DCC: variants seen among roughly 807,000 people sequenced by gnomAD.
DCC encodes the protein DCC netrin 1 receptor.
A neutral mutation model predicts 172.5 loss-of-function variants in DCC; 58 were observed. The observed-to-expected ratio is 0.34, with a 90% confidence interval of 0.27 to 0.42. The LOEUF (loss-of-function observed/expected upper bound fraction) is 0.42. Among genes scored for constraint, DCC ranks in the 10% least tolerant of loss-of-function variants. The pLI, the probability that DCC is intolerant of heterozygous loss-of-function variation, is 1.00. For synonymous variants in DCC, 709 were observed against 644.5 expected (o/e 1.10, Z -1.52); for missense variants, 1,740 against 1,791.0 (o/e 0.97, Z 0.51).
intron 1 of DCC, among the ~76,000 whole-genome samples, chr18:52,687,150 T>C (rs2035850568): frequency 6.6e-6 from 1 of 152,138 alleles, no homozygotes. Context: ...ATTCCAAAAA[T>C]TGAGTGTAGC....
intron 5 of DCC, among the ~76,000 whole-genome samples, chr18:53,016,230 A>G (rs550004962): frequency 5.3e-5 from 8 of 152,244 alleles, no homozygotes; most frequent in African/African-American, 1.9e-4. Flanking sequence ...CAGAACTTAA[A>G]AATTTCTAGG....
chr18:53,404,162 T>C (rs1027080723), intron 19 of DCC, among the ~76,000 whole-genome samples: 8 of 152,106 alleles, frequency 5.3e-5, no homozygotes, highest in Admixed American at 1.3e-4. Flanking sequence ...TATTTTGTTA[T>C]AATCAATTAT....
chr18:52,956,077 A>G (rs2040737278), intron 5 of DCC, among the ~76,000 whole-genome samples: 1 of 151,992 alleles, frequency 6.6e-6, no homozygotes, highest in African/African-American at 2.4e-5. Flanking sequence ...AACGAAGTCC[A>G]ACTTATCAAT....
chr18:52,897,689 A>ATG (rs2039750809), intron 2 of DCC, among the ~76,000 whole-genome samples: 1 of 148,656 alleles, frequency 6.7e-6, no homozygotes, highest in Admixed American at 6.8e-5. Flanking sequence ...TCATTTGGTC[A>ATG]TGTGATTGCT....
intron 15 of DCC, among the ~76,000 whole-genome samples, chr18:53,372,670 A>C (rs908195065): frequency 6.6e-6 from 1 of 152,146 alleles, no homozygotes; most frequent in Non-Finnish European, 1.5e-5. Context: ...TGCAAATTAC[A>C]GAAGACAAGC....
At chr18:52,578,257 TG>T (rs1310304771) in intron 1 of DCC, among the ~76,000 whole-genome samples, 2 of 152,236 alleles carry the variant, frequency 1.3e-5, no homozygotes, top group Non-Finnish European at 2.9e-5. Context: ...AGAGCTGTTA[TG>T]GCAGAAATAC....
intron 2 of DCC, among the ~76,000 whole-genome samples, chr18:52,869,063 G>A (rs2039274967): frequency 1.3e-5 from 2 of 152,260 alleles, no homozygotes; most frequent in African/African-American, 2.4e-5. Flanking sequence ...CCAGGTCTGG[G>A]ATCCCCAAAG....
At chr18:52,398,975 T>TAAAC (rs963070630) in intron 1 of DCC, among the ~76,000 whole-genome samples, 1 of 151,856 alleles carries the variant, frequency 6.6e-6, no homozygotes, top group Non-Finnish European at 1.5e-5. Context: ...AATAAATAAA[T>TAAAC]AAACAAATAA....
chr18:52,851,568 A>C (rs2038976010), intron 2 of DCC, among the ~76,000 whole-genome samples: 1 of 152,052 alleles, frequency 6.6e-6, no homozygotes, highest in African/African-American at 2.4e-5. Flanking sequence ...GGGTTATTCC[A>C]TTTATCATTT....
intron 15 of DCC, among the ~76,000 whole-genome samples, chr18:53,367,581 C>G (rs1421560568): frequency 6.6e-6 from 1 of 152,038 alleles, no homozygotes; most frequent in Non-Finnish European, 1.5e-5. Context: ...TCATTAAACA[C>G]ACTTGTAATG....
chr18:52,649,379 A>C (rs1278226455), intron 1 of DCC, among the ~76,000 whole-genome samples: 1 of 151,934 alleles, frequency 6.6e-6, no homozygotes, highest in Non-Finnish European at 1.5e-5. Flanking sequence ...TATCAAAAAA[A>C]AAAAAAAAAA....
intron 2 of DCC, among the ~76,000 whole-genome samples, chr18:52,894,609 C>T (rs1296311199): frequency 1.3e-5 from 2 of 151,768 alleles, no homozygotes; most frequent in South Asian, 2.1e-4. Flanking sequence ...GTCCTAGTAT[C>T]TATAATTGGC....
chr18:53,503,028 G>A (rs920983872), intron 27 of DCC, among the ~76,000 whole-genome samples: 1 of 151,928 alleles, frequency 6.6e-6, no homozygotes, highest in Non-Finnish European at 1.5e-5. Flanking sequence ...CCCACCGACA[G>A]GCCCCAGTGT....
At chr18:52,872,494 G>T (rs552413816) in intron 2 of DCC, among the ~76,000 whole-genome samples, 2 of 152,266 alleles carry the variant, frequency 1.3e-5, no homozygotes, top group Middle Eastern at 3.4e-3. Context: ...ACTTCTGTTT[G>T]CTAGCCCTCT....
chr18:53,302,554 A>AT lies in DCC; in HGVS notation c.1912-3015dup, dbSNP rs200512668. Among the ~76,000 whole-genome samples, 959 of 151,500 alleles carry AT rather than the reference A, an allele frequency of 6.3e-3. 13 individuals carry two copies. The highest frequency in any genetic ancestry group is 0.022 in the African/African-American group (903 of 41,310). On this transcript the variant is annotated intron_variant, in intron 12 of 28. Coordinates refer to ENST00000442544, the MANE Select transcript of DCC (RefSeq NM_005215.4). ...CAACGCTGTTTGTTGTGTTTTAAAT[A>AT]TTTTTTTTTCAGACTGCACTCTTTT...
At chr18:52,372,511 AT>A (rs1386852744) in intron 1 of DCC, among the ~76,000 whole-genome samples, 2 of 152,094 alleles carry the variant, frequency 1.3e-5, no homozygotes, top group Non-Finnish European at 2.9e-5. Flanking sequence ...AATTAGAGCT[AT>A]TTTCTAGTGA....
intron 7 of DCC, among the ~76,000 whole-genome samples, chr18:53,113,006 C>G (rs939001338): frequency 3.3e-5 from 5 of 151,416 alleles, no homozygotes; most frequent in African/African-American, 1.2e-4. Flanking sequence ...ATGACTGATT[C>G]ATAGAATCAA....
At chr18:52,515,393 G>C (rs1288146013) in intron 1 of DCC, among the ~76,000 whole-genome samples, 2 of 151,660 alleles carry the variant, frequency 1.3e-5, no homozygotes, top group Non-Finnish European at 2.9e-5. Flanking sequence ...GGATCACAAG[G>C]TCAAGAGATC....
At chr18:53,150,192 A>G (rs1445899511) in intron 7 of DCC, among the ~76,000 whole-genome samples, 2 of 152,112 alleles carry the variant, frequency 1.3e-5, no homozygotes, top group African/African-American at 4.8e-5. Flanking sequence ...TTTCCTTAGA[A>G]CCTTCCTCTG....
Sources: allele counts gnomAD v4.1 joint callset (sites outside exome capture counted in the v4.1 genomes callset), GRCh38; gene constraint gnomAD v4.1.1; transcripts MANE v1.5; gene names NCBI Gene and HGNC (gene_info 2026-07-23, HGNC 2026-07-21).